Variants in TUBGCP3 observed in about 807,000 individuals in gnomAD.
TUBGCP3 encodes gamma-tubulin complex component 3.
TUBGCP3 carries 50 observed loss-of-function variants against 123.1 expected under a neutral mutation model. The ratio of observed to expected loss-of-function variants is 0.41; its 90% CI spans 0.32 to 0.51. The LOEUF is 0.51. Ranked by LOEUF, TUBGCP3 falls within the 20% of genes least tolerant of loss-of-function variation. The pLI, the probability that TUBGCP3 is intolerant of heterozygous loss-of-function variation, is 0.36. For missense variants in TUBGCP3, 882 were observed against 1,127.0 expected (o/e 0.78, Z 3.11); for synonymous variants, 405 against 413.9 (o/e 0.98, Z 0.26).
At chr13:112,533,322 G>A (rs554122414) in intron 11 of TUBGCP3, among the ~76,000 whole-genome samples, 5 of 152,298 alleles carry the variant, frequency 3.3e-5, no homozygotes, top group African/African-American at 7.2e-5. Context: ...TTCAGGCTTC[G>A]GGTCACTACA....
intron 19 of TUBGCP3, among the ~76,000 whole-genome samples, chr13:112,500,456 T>C (rs543812919): frequency 6.6e-6 from 1 of 152,158 alleles, no homozygotes; most frequent in Admixed American, 6.5e-5. Flanking sequence ...CTGTGTGAAA[T>C]GAAAGAAACA....
In TUBGCP3 at chr13:112,565,190, G is replaced by GA. The variant is rs762598814; in HGVS notation, c.185-13dup. 32 of 1,602,968 alleles carry GA rather than the reference G, an allele frequency of 2.0e-5. No homozygotes were observed. Among genetic ancestry groups the GA allele is most frequent in the Admixed American group, 1.2e-4 (7 of 58,970 alleles). On this transcript the variant is annotated splice_polypyrimidine_tract_variant and intron_variant, in intron 2 of 21. Transcript: ENST00000261965. Reference sequence around the variant, plus strand: ...TCGTTGTCGAATAACTGAAAAGACAGAAAAAAAATAAGTGTGGTAACTACA... The same window carrying GA: ...TCGTTGTCGAATAACTGAAAAGACAGAAAAAAAAATAAGTGTGGTAACTACA...
At chr13:112,561,699 G>C (rs1880525665) in intron 3 of TUBGCP3, among the ~76,000 whole-genome samples, 1 of 152,188 alleles carries the variant, frequency 6.6e-6, no homozygotes, top group African/African-American at 2.4e-5. Context: ...CAAGTTGTAA[G>C]TCCCTGTGGG....
intron 17 of TUBGCP3, among the ~76,000 whole-genome samples, chr13:112,512,455 C>T (rs1320649964): frequency 6.8e-6 from 1 of 146,104 alleles, no homozygotes; most frequent in Non-Finnish European, 1.5e-5. Flanking sequence ...AAAAAAGGCC[C>T]AGACACAGTG....
chr13:112,530,554 G>A (rs1170454958), intron 11 of TUBGCP3, among the ~76,000 whole-genome samples: 1 of 152,244 alleles, frequency 6.6e-6, no homozygotes, highest in Non-Finnish European at 1.5e-5. Context: ...GCACTTGTGC[G>A]GGAGGCCCGC....
intron 1 of TUBGCP3, among the ~76,000 whole-genome samples, chr13:112,587,645 G>A (rs992538098): frequency 1.1e-4 from 17 of 151,840 alleles, no homozygotes; most frequent in Non-Finnish European, 1.9e-4. Context: ...CCGCCCCGGC[G>A]TTCTCGCCCC....
In TUBGCP3 at chr13:112,571,407, T is replaced by C. The variant is rs562075810; in HGVS notation, c.77-2148A>G. Among the ~76,000 whole-genome samples, 30 of 152,350 alleles carry C rather than the reference T, an allele frequency of 2.0e-4. 1 individual carries two copies. The highest frequency in any genetic ancestry group is 1.4e-3 in the South Asian group (7 of 4,832). ...GGAATCTTTTTCTGAGCAGCAGACC[T>C]TAATAGGAGGCTTAAAATATTCAGT... On this transcript the variant is annotated intron_variant, in intron 1 of 21. Coordinates refer to ENST00000261965, the MANE Select transcript of TUBGCP3 (RefSeq NM_006322.6).
chr13:112,535,918 G>C (rs1464904304), intron 11 of TUBGCP3, among the ~76,000 whole-genome samples: 1 of 152,150 alleles, frequency 6.6e-6, no homozygotes, highest in Non-Finnish European at 1.5e-5. Context: ...TTAGGTGTCT[G>C]ATCCATTTTG....
intron 1 of TUBGCP3, among the ~76,000 whole-genome samples, chr13:112,572,402 C>A (rs1339773129): frequency 6.6e-6 from 1 of 152,154 alleles, no homozygotes; most frequent in African/African-American, 2.4e-5. Flanking sequence ...GACCCGTCCT[C>A]TAAGTTCCCG....
At position 112,527,391 on chromosome 13, in the gene TUBGCP3, T is replaced by C; in HGVS notation, c.1429A>G (p.Met477Val). Residue 477 changes from methionine (M) to valine (V), a missense_variant, in exon 12 of 22, where the codon ATG (methionine) becomes GTG (valine). This residue lies in a region of TUBGCP3 where 713 missense variants were observed against 874.0 expected (regional missense o/e 0.82). Transcript: ENST00000261965. ...AATCCTACCTTCCTAGACTGATCCATCGTCATAAACGAAGGAATCATCGAT... is the reference window on the plus strand; with the variant it reads ...AATCCTACCTTCCTAGACTGATCCACCGTCATAAACGAAGGAATCATCGAT... ...RKSMIPSFMT[M>V]DQSRKVLLIG... is the part of the protein sequence containing the mutation. 1 of 1,585,082 alleles carries C rather than the reference T, an allele frequency of 6.3e-7. No individual in the cohort carries two copies.
intron 17 of TUBGCP3, among the ~76,000 whole-genome samples, chr13:112,512,995 T>C (rs1881773139): frequency 6.6e-6 from 1 of 152,218 alleles, no homozygotes; most frequent in African/African-American, 2.4e-5. Flanking sequence ...GCATCCTTGT[T>C]TTCCCTCAAG....
intron 8 of TUBGCP3, among the ~76,000 whole-genome samples, 173 bp from the exon 9 acceptor site, chr13:112,548,349 A>G (rs188854236): frequency 1.3e-5 from 2 of 152,346 alleles, no homozygotes; most frequent in East Asian, 3.9e-4. Context: ...ATATATTTTA[A>G]TAATATGAAA....
At chr13:112,487,993 G>A (rs1258093023) in intron 21 of TUBGCP3, among the ~76,000 whole-genome samples, 1 of 151,836 alleles carries the variant, frequency 6.6e-6, no homozygotes, top group Non-Finnish European at 1.5e-5. Context: ...TTAGCCGGGT[G>A]TGGTGGCGCG....
chr13:112,536,471 C>A lies in TUBGCP3; in HGVS notation c.1336-8987G>T, dbSNP rs537684198. On this transcript the variant is annotated intron_variant, in intron 11 of 21. Coordinates refer to ENST00000261965, the MANE Select transcript of TUBGCP3 (RefSeq NM_006322.6). Reference sequence around the variant, plus strand: ...TTTAGGCCTTTTTCATTCCTCTCAACAATGATCTATTCTTTTCAGAGTACA... The same window carrying A: ...TTTAGGCCTTTTTCATTCCTCTCAAAAATGATCTATTCTTTTCAGAGTACA... Among the ~76,000 whole-genome samples, 14 of 152,314 alleles carry A rather than the reference C, an allele frequency of 9.2e-5. No homozygotes were observed. The South Asian group carries it at 2.3e-3, about 25-fold the overall frequency.
chr13:112,590,451 T>G (rs527773181), upstream of TUBGCP3, among the ~76,000 whole-genome samples: 1 of 152,150 alleles, frequency 6.6e-6, no homozygotes, highest in East Asian at 1.9e-4. Flanking sequence ...CAGTTCTCCA[T>G]GTCATTTTCC....
the TUBGCP3 span, among the ~76,000 whole-genome samples, chr13:112,599,139 C>A: frequency 8.3e-4 from 127 of 152,278 alleles, no homozygotes; most frequent in Non-Finnish European, 1.4e-3. Context: ...GTTCTGATCG[C>A]GTATTATCAC....
intron 18 of TUBGCP3, 78 bp from the exon 19 acceptor site, chr13:112,504,241 C>T: frequency 1.3e-6 from 2 of 1,564,192 alleles, no homozygotes; most frequent in Non-Finnish European, 1.7e-6. Flanking sequence ...ATATATACCA[C>T]CTATGGGAGG....
intron 20 of TUBGCP3, among the ~76,000 whole-genome samples, chr13:112,490,898 C>T (rs1880042404): frequency 6.6e-6 from 1 of 152,194 alleles, no homozygotes; most frequent in African/African-American, 2.4e-5. Context: ...TTAGTATTTG[C>T]TCTGCTTACA....
chr13:112,494,569 T>C (rs1880397531), intron 20 of TUBGCP3, among the ~76,000 whole-genome samples: 1 of 152,240 alleles, frequency 6.6e-6, no homozygotes. Flanking sequence ...TTACTTGTCT[T>C]TCCTTGAGCC....
Sources: allele counts gnomAD v4.1 joint callset (sites outside exome capture counted in the v4.1 genomes callset), GRCh38; gene constraint gnomAD v4.1.1; regional missense constraint gnomAD v4.1.1; transcripts MANE v1.5; gene names NCBI Gene and HGNC (gene_info 2026-07-23, HGNC 2026-07-21).